Variants in ROBO2 observed in about 807,000 individuals in gnomAD.
The protein encoded by ROBO2 is roundabout homolog 2.
A neutral mutation model predicts 160.8 loss-of-function variants in ROBO2; 53 were observed. That is an observed-to-expected ratio of 0.33 (90% CI 0.26 to 0.41). The LOEUF is 0.41. Ranked by LOEUF, ROBO2 falls within the 10% of genes least tolerant of loss-of-function variation. The pLI is 1.00. For missense variants in ROBO2, 1,577 were observed against 1,722.4 expected (o/e 0.92, Z 1.49); for synonymous variants, 664 against 611.7 (o/e 1.09, Z -1.26).
chr3:77,060,572 T>C (rs939832311), intron 1 of ROBO2, among the ~76,000 whole-genome samples: 1 of 152,162 alleles, frequency 6.6e-6, no homozygotes, highest in Non-Finnish European at 1.5e-5. Flanking sequence ...GGTATATTGA[T>C]CACTTTGAGC....
intron 2 of ROBO2, among the ~76,000 whole-genome samples, chr3:77,433,022 G>A (rs144385522): frequency 2.5e-4 from 38 of 152,192 alleles, no homozygotes; most frequent in African/African-American, 8.2e-4. Flanking sequence ...TTTATTTGGC[G>A]ACAATGCCTT....
chr3:77,273,363 C>A (rs1453408628), intron 2 of ROBO2, among the ~76,000 whole-genome samples: 1 of 152,072 alleles, frequency 6.6e-6, no homozygotes, highest in Non-Finnish European at 1.5e-5. Flanking sequence ...CTTTGAATGG[C>A]GTTGTCAGAC....
intron 2 of ROBO2, among the ~76,000 whole-genome samples, chr3:76,534,988 C>T (rs909652083): frequency 2.6e-5 from 4 of 151,914 alleles, no homozygotes; most frequent in African/African-American, 9.7e-5. Flanking sequence ...AGGGCCTGAC[C>T]AAAGTAGTGT....
chr3:75,919,678 G>C, intron 1 of ROBO2, among the ~76,000 whole-genome samples: 1 of 151,970 alleles, frequency 6.6e-6, no homozygotes. Context: ...GGCTTTTTTT[G>C]GTTGGTAGGC....
intron 2 of ROBO2, among the ~76,000 whole-genome samples, chr3:76,129,570 G>T (rs932448508): frequency 6.6e-6 from 1 of 152,098 alleles, no homozygotes; most frequent in Admixed American, 6.5e-5. Context: ...TTAGAAAAGA[G>T]AGCTCTTATT....
chr3:76,956,409 T>C (rs1338526373), intron 2 of ROBO2, among the ~76,000 whole-genome samples: 2 of 151,786 alleles, frequency 1.3e-5, no homozygotes, highest in African/African-American at 4.8e-5. Flanking sequence ...TACAAAAAAT[T>C]AGCCGGGTGT....
rs1029843225 is a variant in ROBO2, at chr3:77,098,249, C to A, written c.297C>A (p.Arg99=). The change falls in exon 2 of 26, where the codon CGC becomes CGA. Residue 99 remains arginine, a synonymous_variant. Transcript: ENST00000461745. Reference sequence around the variant, plus strand: ...TCTTCTTGCGCATCGTGCACGGGCGCAGGAGTAAACCTGATGAAGGAAGCT... The same window carrying A: ...TCTTCTTGCGCATCGTGCACGGGCGAAGGAGTAAACCTGATGAAGGAAGCT... The A allele has an allele frequency of 2.5e-6, 4 of 1,614,028 alleles. No individual in the cohort carries two copies. Among genetic ancestry groups the A allele is most frequent in the Admixed American group, 1.7e-5 (1 of 60,000 alleles).
intron 2 of ROBO2, among the ~76,000 whole-genome samples, chr3:77,015,911 A>G (rs2062210778): frequency 6.6e-6 from 1 of 152,196 alleles, no homozygotes; most frequent in Admixed American, 6.5e-5. Flanking sequence ...TAAATATGGT[A>G]TTAATGCCAT....
chr3:76,020,225 C>G (rs2066533453), intron 2 of ROBO2, among the ~76,000 whole-genome samples: 1 of 151,776 alleles, frequency 6.6e-6, no homozygotes, highest in African/African-American at 2.4e-5. Flanking sequence ...TTTAAACTGC[C>G]TAATTTTTTT....
chr3:76,191,120 A>G (rs1379948196), intron 2 of ROBO2, among the ~76,000 whole-genome samples: 2 of 152,170 alleles, frequency 1.3e-5, no homozygotes, highest in Admixed American at 6.6e-5. Context: ...GGTTTAGACT[A>G]CAGAGCAAGG....
chr3:77,529,864 A>G (rs2091504606), intron 6 of ROBO2, among the ~76,000 whole-genome samples: 1 of 151,944 alleles, frequency 6.6e-6, no homozygotes, highest in African/African-American at 2.4e-5. Context: ...AATTTTAAAA[A>G]CTGAATGTTG....
intron 9 of ROBO2, among the ~76,000 whole-genome samples, chr3:77,559,261 T>G: frequency 6.6e-6 from 1 of 152,200 alleles, no homozygotes; most frequent in South Asian, 2.1e-4. Context: ...CAGGTCCCAC[T>G]TACACTCCAG....
intron 24 of ROBO2, among the ~76,000 whole-genome samples, chr3:77,639,016 G>A (rs2095309428): frequency 6.6e-6 from 1 of 151,646 alleles, no homozygotes. Context: ...GGTAGGTAGG[G>A]ACAGGGTTTC....
At chr3:76,304,002 G>A (rs747413610) in intron 2 of ROBO2, among the ~76,000 whole-genome samples, 4 of 152,138 alleles carry the variant, frequency 2.6e-5, no homozygotes, top group African/African-American at 4.8e-5. Context: ...ACTATTTCTC[G>A]ATAACAGTGA....
intron 2 of ROBO2, among the ~76,000 whole-genome samples, chr3:77,130,165 T>C (rs1458082032): frequency 1.3e-5 from 2 of 152,166 alleles, no homozygotes; most frequent in Non-Finnish European, 2.9e-5. Flanking sequence ...GCTTCCATGA[T>C]GACTCTCAAA....
At chr3:77,164,503 G>A (rs1331867295) in intron 2 of ROBO2, among the ~76,000 whole-genome samples, 5 of 140,080 alleles carry the variant, frequency 3.6e-5, no homozygotes, top group Admixed American at 7.0e-5. Flanking sequence ...TCAGCCCCCC[G>A]CCCGGCCAGC....
intron 2 of ROBO2, among the ~76,000 whole-genome samples, chr3:77,461,289 C>G (rs2082216942): frequency 6.6e-6 from 1 of 151,876 alleles, no homozygotes; most frequent in South Asian, 2.1e-4. Context: ...AGTAATGAAG[C>G]TGTTACCTCT....
At chr3:77,036,382 CG>C (rs1360320760), upstream of ROBO2, among the ~76,000 whole-genome samples, 1 of 151,818 alleles carries the variant, frequency 6.6e-6, no homozygotes, top group Non-Finnish European at 1.5e-5. Context: ...AACAAGAGCA[CG>C]TTGAAAAGAG....
chr3:76,861,635 C>T (rs1366824684), intron 2 of ROBO2, among the ~76,000 whole-genome samples: 1 of 152,082 alleles, frequency 6.6e-6, no homozygotes, highest in African/African-American at 2.4e-5. Context: ...ATTTCCAATC[C>T]CTCACTTGAA....
Sources: gnomAD v4.1 joint callset for allele counts (sites outside exome capture counted in the v4.1 genomes callset) on GRCh38, gnomAD v4.1.1 for gene constraint, MANE v1.5 for transcripts, NCBI Gene and HGNC (gene_info 2026-07-23, HGNC 2026-07-21) for gene names.